Variants in NT5DC3 observed in about 807,000 individuals in gnomAD.
The protein encoded by NT5DC3 is 5'-nucleotidase domain-containing protein 3.
A neutral mutation model predicts 67.8 loss-of-function variants in NT5DC3; 42 were observed. The observed-to-expected ratio is 0.62, with a 90% CI of 0.48 to 0.80. NT5DC3 has a LOEUF of 0.80. NT5DC3 is among the 30% of genes least tolerant of loss of function. NT5DC3 has a pLI of 0.00. For synonymous variants in NT5DC3, 237 were observed against 255.6 expected (o/e 0.93, Z 0.69); for missense variants, 570 against 696.4 (o/e 0.82, Z 2.04).
chr12:103,770,091 C>A (rs1475678226), downstream of NT5DC3, among the ~76,000 whole-genome samples: 1 of 152,190 alleles, frequency 6.6e-6, no homozygotes, highest in Non-Finnish European at 1.5e-5. Flanking sequence ...AAAAGTAATT[C>A]ATAGAAAACA....
rs61763005 is a variant in NT5DC3, at chr12:103,793,244, G to A, written c.939C>T (p.Ile313=). ...SSFVDKGMSY[I]VGKDWRDLFD... Reference sequence around the variant, plus strand: ...ACAGGTCCCTCCAGTCTTTCCCAACGATATAACTCATCCCTTTGTCCCTAG... The same window carrying A: ...ACAGGTCCCTCCAGTCTTTCCCAACAATATAACTCATCCCTTTGTCCCTAG... The change falls in exon 9 of 14, where the codon ATC becomes ATT. Residue 313 remains isoleucine, a synonymous_variant. Transcript: ENST00000392876. 2,167 of 1,610,792 alleles carry A rather than the reference G, an allele frequency of 1.3e-3. 12 individuals are homozygous for A. The highest frequency in any genetic ancestry group is 7.3e-3 in the South Asian group (660 of 90,386).
intron 5 of NT5DC3, 96 bp from the exon 6 acceptor site, chr12:103,797,127 C>G: frequency 7.7e-7 from 1 of 1,294,808 alleles, no homozygotes; most frequent in Non-Finnish European, 1.1e-6. Flanking sequence ...TTTTCCGTGA[C>G]TAAACGAGAT....
chr12:103,819,452 T>C (rs1320459883), intron 1 of NT5DC3, among the ~76,000 whole-genome samples: 1 of 152,174 alleles, frequency 6.6e-6, no homozygotes, highest in Non-Finnish European at 1.5e-5. Context: ...GGTACCAATT[T>C]AGAAAGTGAA....
chr12:103,765,895 A>T (rs2139265830), downstream of NT5DC3: 2 of 356,302 alleles, frequency 5.6e-6, no homozygotes, highest in East Asian at 1.5e-4. Context: ...CACTGGTTCA[A>T]GATGAATTTT....
intron 9 of NT5DC3, among the ~76,000 whole-genome samples, chr12:103,790,308 C>A (rs1885989266): frequency 6.6e-6 from 1 of 152,100 alleles, no homozygotes; most frequent in Non-Finnish European, 1.5e-5. Flanking sequence ...GAGAGTCCCA[C>A]TCTGTCGCCC....
At chr12:103,833,719 G>GAA (rs11462957) in intron 1 of NT5DC3, among the ~76,000 whole-genome samples, 4,980 of 143,110 alleles carry the variant, frequency 0.035, 96 homozygotes, top group Middle Eastern at 0.047. Context: ...TAATTCTAAT[G>GAA]AAAAAAAAAA....
chr12:103,748,584 CCACACACACACACACACACATACACA>C, the NT5DC3 span, among the ~76,000 whole-genome samples: 569 of 141,952 alleles, frequency 4.0e-3, 5 homozygotes, highest in South Asian at 0.017. Flanking sequence ...TAACTCTACA[CCACACACACACACACACACATACACA>C]CACACACACA....
chr12:103,750,983 T>C, the NT5DC3 span, among the ~76,000 whole-genome samples: 1 of 152,228 alleles, frequency 6.6e-6, no homozygotes, highest in East Asian at 1.9e-4. Flanking sequence ...TCCCAGCTAC[T>C]TGGGAGGCTG....
At chr12:103,833,789 G>A (rs1166316366) in intron 1 of NT5DC3, among the ~76,000 whole-genome samples, 1 of 151,616 alleles carries the variant, frequency 6.6e-6, no homozygotes, top group Non-Finnish European at 1.5e-5. Flanking sequence ...GGAGTAGGAA[G>A]GCTTCCATTC....
the NT5DC3 span, among the ~76,000 whole-genome samples, chr12:103,758,511 T>C: frequency 2.0e-5 from 3 of 152,186 alleles, no homozygotes; most frequent in African/African-American, 7.2e-5. Context: ...TCCATGGAAC[T>C]CTCATCGTCC....
intron 12 of NT5DC3, among the ~76,000 whole-genome samples, chr12:103,780,627 A>G (rs558099121): frequency 2.5e-4 from 38 of 152,392 alleles, no homozygotes; most frequent in African/African-American, 8.9e-4. Flanking sequence ...TTAACCTATC[A>G]GTAAAGATTA....
intron 2 of NT5DC3, among the ~76,000 whole-genome samples, chr12:103,814,480 T>G (rs1887163728): frequency 6.6e-6 from 1 of 152,254 alleles, no homozygotes; most frequent in South Asian, 2.1e-4. Context: ...TTTTCTTTTT[T>G]TCCTTCCTCA....
At chr12:103,791,949 G>A (rs777766456) in intron 9 of NT5DC3, among the ~76,000 whole-genome samples, 17 of 152,130 alleles carry the variant, frequency 1.1e-4, no homozygotes, top group Non-Finnish European at 2.4e-4. Context: ...CCATGAAACC[G>A]GCCCCTGGTG....
the NT5DC3 span, among the ~76,000 whole-genome samples, chr12:103,762,723 G>A: frequency 6.6e-6 from 1 of 152,198 alleles, no homozygotes; most frequent in Non-Finnish European, 1.5e-5. Flanking sequence ...TGTTTACCTT[G>A]GAGGATTCAC....
At chr12:103,778,138 T>C (rs1477124162) in intron 13 of NT5DC3, 57 bp from the exon 14 acceptor site, 1 of 1,505,424 alleles carries the variant, frequency 6.6e-7, no homozygotes, top group Non-Finnish European at 8.9e-7. Flanking sequence ...TCCTTGTTTT[T>C]AAACTACTGA....
At chr12:103,783,146 C>T (rs1279173684) in intron 12 of NT5DC3, among the ~76,000 whole-genome samples, 2 of 152,198 alleles carry the variant, frequency 1.3e-5, no homozygotes, top group African/African-American at 4.8e-5. Flanking sequence ...AAACATCTAC[C>T]ACAGGCTCAG....
chr12:103,748,436 C>T, the NT5DC3 span, among the ~76,000 whole-genome samples: 97 of 152,226 alleles, frequency 6.4e-4, no homozygotes, highest in East Asian at 0.016. Context: ...TGGAGGCAAA[C>T]CAACCTGGGT....
At position 103,810,310 on chromosome 12, in the gene NT5DC3, AACAC is replaced by A. The variant is rs58734851; in HGVS notation, c.394-3385_394-3382del. Reference sequence around the variant, plus strand: ...ACATCCTCGTGATTGGCCCATTTCCAACACACACACACACAGCATCAGTAGAACA... The same window carrying A: ...ACATCCTCGTGATTGGCCCATTTCCAACACACACACAGCATCAGTAGAACA... On this transcript the variant is annotated intron_variant, in intron 2 of 13. Transcript: ENST00000392876. 2.0e-5 allele frequency among the ~76,000 whole-genome samples: 3 copies of A among 151,770 alleles called. No individual in the cohort carries two copies. In the East Asian group the frequency reaches 5.8e-4, roughly 29 times the overall value.
intron 1 of NT5DC3, among the ~76,000 whole-genome samples, chr12:103,835,098 G>T (rs1433476986): frequency 6.6e-6 from 1 of 152,044 alleles, no homozygotes; most frequent in Non-Finnish European, 1.5e-5. Context: ...ATGCAACACT[G>T]GTCCCCAGCT....
Sources: gnomAD v4.1 joint callset for allele counts (sites outside exome capture counted in the v4.1 genomes callset) on GRCh38, gnomAD v4.1.1 for gene constraint, MANE v1.5 for transcripts, NCBI Gene and HGNC (gene_info 2026-07-23, HGNC 2026-07-21) for gene names.